The following SUPT3H variants were observed in gnomAD, a reference collection of about 807,000 sequenced individuals.
The protein encoded by SUPT3H is SPT3 homolog, SAGA and STAGA complex component, also known as transcription initiation protein SPT3 homolog.
In SUPT3H, 44 loss-of-function variants were observed where a neutral mutation model predicts 44.3. The ratio of observed to expected loss-of-function variants is 0.99; its 90% CI spans 0.78 to 1.28. The LOEUF (loss-of-function observed/expected upper bound fraction) is 1.28. SUPT3H is among the 50% of genes most tolerant of loss of function. SUPT3H has a pLI of 0.00. For synonymous variants in SUPT3H, 124 were observed against 125.6 expected, an observed-to-expected ratio of 0.99 and a Z score of 0.09; for missense variants, 380 against 387.1, an observed-to-expected ratio of 0.98 and a Z score of 0.15.
chr6:45,203,276 A>C (rs936485306), intron 2 of SUPT3H, among the ~76,000 whole-genome samples: 1 of 152,164 alleles, frequency 6.6e-6, no homozygotes, highest in Non-Finnish European at 1.5e-5. Context: ...AACGGCATTA[A>C]CATTTACCCA....
At chr6:44,915,904 T>TA (rs1240686221) in intron 10 of SUPT3H, among the ~76,000 whole-genome samples, 1 of 152,182 alleles carries the variant, frequency 6.6e-6, no homozygotes, top group Non-Finnish European at 1.5e-5. Context: ...ACCTTGGACA[T>TA]ATGTTCTCAG....
chr6:44,935,637 C>T (rs1433340163), intron 9 of SUPT3H, among the ~76,000 whole-genome samples: 1 of 152,202 alleles, frequency 6.6e-6, no homozygotes, highest in African/African-American at 2.4e-5. Context: ...CATTCACACT[C>T]TATTCTTGTA....
At chr6:45,019,270 C>T (rs1562273754) in intron 4 of SUPT3H, among the ~76,000 whole-genome samples, 2 of 151,848 alleles carry the variant, frequency 1.3e-5, no homozygotes, top group African/African-American at 4.8e-5. Context: ...AGCGGTCTAT[C>T]AGTTTTGTTG....
intron 2 of SUPT3H, among the ~76,000 whole-genome samples, chr6:45,216,691 TA>T (rs1312699458): frequency 1.3e-5 from 2 of 151,986 alleles, no homozygotes; most frequent in Non-Finnish European, 2.9e-5. Context: ...GTCAAAATAG[TA>T]AAAAGAGACA....
At chr6:45,288,466 CAAT>C (rs955239755) in intron 2 of SUPT3H, among the ~76,000 whole-genome samples, 9 of 149,704 alleles carry the variant, frequency 6.0e-5, no homozygotes, top group South Asian at 2.1e-4. Flanking sequence ...ATTATAAATT[CAAT>C]AATGTTTTAA....
rs1797705414 is a variant in SUPT3H, at chr6:45,095,743, A to C, written c.186+10179T>G. ...TGAAAGCAGCTATATAGCCATCTGA[A>C]ATCATTACTTTTTGAACTTGAAAGA... On this transcript the variant is annotated intron_variant, in intron 3 of 10. Transcript: ENST00000371459. This position sits in a 1 kb window ranked among gnomAD's most constrained non-coding sequence, Gnocchi z 4.1. 6.6e-6 allele frequency among the ~76,000 whole-genome samples: 1 copy of C among 152,164 alleles called. No homozygotes were observed. Among genetic ancestry groups the C allele is most frequent in the Non-Finnish European group, 1.5e-5 (1 of 67,986 alleles).
intron 2 of SUPT3H, among the ~76,000 whole-genome samples, chr6:45,284,658 C>T (rs1043292899): frequency 6.6e-6 from 1 of 152,182 alleles, no homozygotes; most frequent in East Asian, 1.9e-4. Context: ...CAAATTCTAC[C>T]AGAGTTACAA....
intron 2 of SUPT3H, among the ~76,000 whole-genome samples, chr6:45,358,692 C>T (rs368083426): frequency 6.6e-6 from 1 of 152,066 alleles, no homozygotes; most frequent in East Asian, 1.9e-4. Flanking sequence ...AGTCTCTTAT[C>T]TGAAATATGT....
At chr6:45,343,698 TG>T (rs1286374018) in intron 2 of SUPT3H, among the ~76,000 whole-genome samples, 1 of 152,150 alleles carries the variant, frequency 6.6e-6, no homozygotes, top group East Asian at 1.9e-4. Context: ...ACCACAAGCT[TG>T]TGAAAAGCCT....
At chr6:45,375,511 A>T (rs1054207625) in intron 1 of SUPT3H, among the ~76,000 whole-genome samples, 3 of 152,142 alleles carry the variant, frequency 2.0e-5, no homozygotes, top group African/African-American at 7.2e-5. Context: ...ATTGCTCCAG[A>T]TCTAACAATT....
chr6:45,359,584 C>A (rs1052569406), intron 2 of SUPT3H, among the ~76,000 whole-genome samples: 4 of 152,136 alleles, frequency 2.6e-5, no homozygotes, highest in African/African-American at 7.2e-5. Flanking sequence ...AATATGGCCA[C>A]ATTTGTATCC....
intron 2 of SUPT3H, among the ~76,000 whole-genome samples, chr6:45,172,908 C>T (rs6458423): frequency 0.58 from 87,971 of 151,938 alleles, 26,260 homozygotes; most frequent in African/African-American, 0.73. Context: ...TTTAAAAATT[C>T]GTAGTTGAGG....
At chr6:44,990,183 A>G (rs937331726) in intron 6 of SUPT3H, among the ~76,000 whole-genome samples, 2 of 149,626 alleles carry the variant, frequency 1.3e-5, no homozygotes, top group African/African-American at 2.5e-5. Context: ...ATTCAATTTC[A>G]TTTTTTTTTC....
At chr6:45,303,865 C>T (rs188297496) in intron 2 of SUPT3H, among the ~76,000 whole-genome samples, 2,688 of 151,460 alleles carry the variant, frequency 0.018, 51 homozygotes, top group South Asian at 0.085. Context: ...TAGTGGTGCG[C>T]GCCTGTAGTC....
intron 2 of SUPT3H, among the ~76,000 whole-genome samples, chr6:45,317,007 A>G (rs1784792047): frequency 6.6e-6 from 1 of 152,056 alleles, no homozygotes; most frequent in Non-Finnish European, 1.5e-5. Context: ...TGGGCGGATC[A>G]CTTGAGCTCA....
chr6:45,120,510 G>A (rs1314673552), intron 2 of SUPT3H, among the ~76,000 whole-genome samples: 1 of 150,020 alleles, frequency 6.7e-6, no homozygotes, highest in Non-Finnish European at 1.5e-5. Context: ...GATAAAATTG[G>A]AAATAACTTT....
At chr6:45,069,210 A>G (rs1793979733) in intron 3 of SUPT3H, among the ~76,000 whole-genome samples, 1 of 152,184 alleles carries the variant, frequency 6.6e-6, no homozygotes, top group Admixed American at 6.5e-5. Context: ...ACAGATTGTA[A>G]ATACCACAAT....
At chr6:45,060,655 C>A (rs185564314) in intron 3 of SUPT3H, among the ~76,000 whole-genome samples, 33 of 152,146 alleles carry the variant, frequency 2.2e-4, no homozygotes, top group Admixed American at 5.9e-4. Context: ...AGTGAACAGA[C>A]AACCTAACCT....
At chr6:45,092,264 G>A (rs920013542) in intron 3 of SUPT3H, among the ~76,000 whole-genome samples, 5 of 152,004 alleles carry the variant, frequency 3.3e-5, no homozygotes, top group African/African-American at 1.2e-4. Flanking sequence ...TCTGGGTACT[G>A]AGCATGATTT....
Sources: allele counts gnomAD v4.1 joint callset (sites outside exome capture counted in the v4.1 genomes callset), GRCh38; gene constraint gnomAD v4.1.1; non-coding constraint Gnocchi (gnomAD v3.1); transcripts MANE v1.5; gene names NCBI Gene and HGNC (gene_info 2026-07-23, HGNC 2026-07-21).